Variants in ERCC4 observed in about 807,000 individuals in gnomAD.
ERCC4 encodes the protein ERCC excision repair 4, endonuclease catalytic subunit, also known as DNA repair endonuclease XPF.
In ERCC4, 65 loss-of-function variants were observed where a neutral mutation model predicts 76.9. The ratio of observed to expected loss-of-function variants is 0.84; its 90% CI spans 0.69 to 1.04. The LOEUF is 1.04. Ranked by LOEUF, ERCC4 falls within the 50% of genes least tolerant of loss-of-function variation. The pLI, the probability that ERCC4 is intolerant of heterozygous loss-of-function variation, is 0.00. For missense variants in ERCC4, 1,214 were observed against 1,128.2 expected, an observed-to-expected ratio of 1.08 and a Z score of -1.09; for synonymous variants, 463 against 410.1, an observed-to-expected ratio of 1.13 and a Z score of -1.56.
intron 4 of ERCC4, among the ~76,000 whole-genome samples, chr16:13,928,775 T>C (rs2032117783): frequency 6.6e-6 from 1 of 152,174 alleles, no homozygotes; most frequent in African/African-American, 2.4e-5. Flanking sequence ...GTCTACTTTT[T>C]CATTATAGAT....
chr16:13,928,087 A>G lies in ERCC4; in HGVS notation c.644A>G (p.His215Arg). 2 of 1,613,670 alleles carry G rather than the reference A, an allele frequency of 1.2e-6. No individual in the cohort carries two copies. The highest frequency in any genetic ancestry group is 1.1e-5 in the South Asian group (1 of 91,084). ...CACAAACCTGAAGTTGTAGAAATCC[A>G]TGTTTCTATGACACCTACCATGCTT... is the stretch of plus-strand genomic sequence containing the variant. Reference protein sequence around the residue: ...EQHKPEVVEIHVSMTPTMLAI... With the variant: ...EQHKPEVVEIRVSMTPTMLAI... Residue 215 changes from histidine to arginine, a missense_variant, in exon 4 of 11, where the codon CAT (histidine) becomes CGT (arginine). Physicochemically the swap from His to Arg is conservative, Grantham distance 29. Coordinates refer to ENST00000311895, the MANE Select transcript of ERCC4 (RefSeq NM_005236.3).
At chr16:13,940,894 C>T (rs2032400954) in intron 9 of ERCC4, among the ~76,000 whole-genome samples, 1 of 152,182 alleles carries the variant, frequency 6.6e-6, no homozygotes, top group South Asian at 2.1e-4. Context: ...TTAATCCTTT[C>T]CTGCACAGCG....
intron 10 of ERCC4, among the ~76,000 whole-genome samples, chr16:13,945,164 C>T (rs1047509970): frequency 5.9e-5 from 9 of 152,138 alleles, no homozygotes; most frequent in South Asian, 2.1e-4. Flanking sequence ...CTTTGTTAAA[C>T]GGTGATTAGG....
In ERCC4 at chr16:13,920,296, T is replaced by C. The variant is rs2031943870; in HGVS notation, c.131T>C (p.Leu44Pro). Residue 44 changes from leucine (L) to proline (P), a missense_variant, in exon 1 of 11, where the codon CTC (leucine) becomes CCC (proline). Transcript: ENST00000311895. ...GCCCGCGGGCTCGGCGCGGACCGGCTCCTCTACCACTTTCTCCAGCTGCAC... is the reference window on the plus strand; with the variant it reads ...GCCCGCGGGCTCGGCGCGGACCGGCCCCTCTACCACTTTCTCCAGCTGCAC... ...VCARGLGADR[L>P]LYHFLQLHCH... The C allele has an allele frequency of 6.2e-7, 1 of 1,604,050 alleles. No homozygotes were observed. The highest frequency in any genetic ancestry group is 1.1e-5 in the South Asian group (1 of 90,994).
rs2141620884 is a variant in ERCC4, at chr16:13,948,072, G to A, written c.2476G>A (p.Ala826Thr). The A allele has an allele frequency of 1.9e-6, 3 of 1,614,142 alleles. No homozygotes were observed. Among genetic ancestry groups the A allele is most frequent in the Non-Finnish European group, 1.7e-6 (2 of 1,180,024 alleles). The change falls in exon 11 of 11, where the codon GCG (alanine) becomes ACG (threonine). Residue 826 changes from alanine to threonine, a missense_variant. Coordinates refer to ENST00000311895, the MANE Select transcript of ERCC4 (RefSeq NM_005236.3). ...ACAAAGCAAGCCACAGCCTGATGCG[G>A]CGACAGCACTGGCCATTACAGCAGA... ...LKQSKPQPDA[A>T]TALAITADSE...
rs1333985822 is a variant in ERCC4, at chr16:13,948,055, A to G, written c.2459A>G (p.Lys820Arg). The part of the protein sequence containing the change: ...AELFEELKQS[K>R]PQPDAATALA... ...TTGTTTGAGGAGCTGAAACAAAGCA[A>G]GCCACAGCCTGATGCGGCGACAGCA... Residue 820 changes from lysine to arginine, a missense_variant, in exon 11 of 11, where the codon AAG becomes AGG. By Grantham distance (26) the Lys-to-Arg change is conservative. Transcript: ENST00000311895. The G allele has an allele frequency of 6.2e-7, 1 of 1,614,166 alleles. No homozygotes were observed. Among genetic ancestry groups the G allele is most frequent in the Non-Finnish European group, 8.5e-7 (1 of 1,180,022 alleles).
rs992867132 is a variant in ERCC4, at chr16:13,949,733, G to T, written c.*1386G>T. On this transcript the variant is annotated 3_prime_UTR_variant, in exon 11 of 11. Transcript: ENST00000311895. ...AGGATATTCACAGCATCTTTGTGCAGTTTTTAAACTTTTATATTTAAACAT... is the reference window on the plus strand; with the variant it reads ...AGGATATTCACAGCATCTTTGTGCATTTTTTAAACTTTTATATTTAAACAT... The T allele has an allele frequency of 4.3e-6, 1 of 232,476 alleles. No homozygotes were observed. The highest frequency in any genetic ancestry group is 8.5e-6 in the Non-Finnish European group (1 of 117,708). 14.4% of individuals were successfully genotyped at this position (232,476 alleles called of 1,614,324 possible). A position where few individuals can be genotyped will look rare whatever the true frequency, so the allele number is the denominator to read the frequency against.
In ERCC4 at chr16:13,934,223, C is replaced by T. The variant is rs1240630852; in HGVS notation, c.1134C>T (p.Asn378=). Residue 378 remains asparagine, a synonymous_variant, in exon 7 of 11, where the codon AAC becomes AAT. Coordinates refer to ENST00000311895, the MANE Select transcript of ERCC4 (RefSeq NM_005236.3). ...ETKKELVLES[N]PKWEALTEVL... ...AAAAGGAACTGGTCCTAGAAAGCAA[C>T]CCAAAGTGGGAGGCACTGACTGAAG... The T allele has an allele frequency of 1.9e-6, 3 of 1,612,506 alleles. No individual in the cohort carries two copies. The African/African-American group carries it at 4.0e-5, about 22-fold the overall frequency.
At chr16:13,944,658 A>G (rs1051681841) in intron 9 of ERCC4, 65 bp from the exon 10 acceptor site, 8 of 1,058,856 alleles carry the variant, frequency 7.6e-6, no homozygotes, top group Non-Finnish European at 1.0e-5. Flanking sequence ...ACTACAATTT[A>G]CACACAATAA....
chr16:13,950,859 C>T lies in ERCC4; in HGVS notation c.*2512C>T, dbSNP rs1330475087. On this transcript the variant is annotated 3_prime_UTR_variant, in exon 11 of 11. Coordinates refer to ENST00000311895, the MANE Select transcript of ERCC4 (RefSeq NM_005236.3). The stretch of plus-strand genomic sequence containing the variant: ...GTCTTCCTAAAGCTACCATTTTCAA[C>T]CGTCCTTGTTATCTAGTACAACATA... The T allele has an allele frequency of 1.0e-5, 2 of 198,752 alleles. No homozygotes were observed. Among genetic ancestry groups the T allele is most frequent in the Admixed American group, 6.0e-5 (1 of 16,576 alleles). 12.3% of individuals were successfully genotyped at this position (198,752 alleles called of 1,614,324 possible).
At position 13,944,815 on chromosome 16, in the gene ERCC4, C is replaced by T. The variant is rs2032484990; in HGVS notation, c.1997C>T (p.Ser666Phe). 3 of 1,611,964 alleles carry T rather than the reference C, an allele frequency of 1.9e-6. No homozygotes were observed. Among genetic ancestry groups the T allele is most frequent in the Non-Finnish European group, 2.5e-6 (3 of 1,178,158 alleles). The change falls in exon 10 of 11, where the codon TCC becomes TTC. Residue 666 changes from serine (S) to phenylalanine (F), a missense_variant. Transcript: ENST00000311895. ...LVRGTASADV[S>F]TDTRKAGGQE... ...AGAGGCACAGCATCTGCAGATGTTT[C>T]CACTGACACTCGGAAAGCCGGTGAG...
chr16:13,929,496 G>A (rs1303234849), intron 4 of ERCC4, among the ~76,000 whole-genome samples: 1 of 152,108 alleles, frequency 6.6e-6, no homozygotes, highest in Non-Finnish European at 1.5e-5. Flanking sequence ...CCGTGCAATG[G>A]TACTGCTTTT....
Position 13,934,322 on chromosome 16 carries a change from A to G in ERCC4, c.1213+20A>G, listed in dbSNP as rs777084919. 6.6e-7 allele frequency: 1 copy of G among 1,509,380 alleles called. No homozygotes were observed. Among genetic ancestry groups the G allele is most frequent in the Admixed American group, 1.7e-5 (1 of 59,880 alleles). 93.5% of individuals were successfully genotyped at this position (1,509,380 alleles called of 1,614,324 possible). ...GTCCAGGTAGGAAAAAAGGAGATGA[A>G]AACATTTGCTTCCAAAATCTATCAA... On this transcript the variant is annotated intron_variant, in intron 7 of 10. Transcript: ENST00000311895.
intron 9 of ERCC4, among the ~76,000 whole-genome samples, chr16:13,942,362 T>C (rs999031655): frequency 3.9e-5 from 6 of 152,242 alleles, no homozygotes; most frequent in African/African-American, 1.4e-4. Context: ...TTATAACATT[T>C]AGTGGTAAAC....
At chr16:13,947,281 C>T (rs770079385) in intron 10 of ERCC4, among the ~76,000 whole-genome samples, 5 of 152,136 alleles carry the variant, frequency 3.3e-5, no homozygotes, top group African/African-American at 1.2e-4. Flanking sequence ...CAGGCTTTGT[C>T]CTAGGAATTG....
In ERCC4 at chr16:13,949,194, C is replaced by G. The variant is rs911204355; in HGVS notation, c.*847C>G. The G allele has an allele frequency of 5.1e-5, 12 of 233,096 alleles. No homozygotes were observed. Among genetic ancestry groups the G allele is most frequent in the African/African-American group, 2.4e-4 (11 of 45,346 alleles). The allele number at this position is 233,096 out of a possible 1,614,324, so 14.4% of individuals were successfully genotyped here. A position where few individuals can be genotyped will look rare whatever the true frequency, so the allele number is the denominator to read the frequency against. On this transcript the variant is annotated 3_prime_UTR_variant, in exon 11 of 11. Coordinates refer to ENST00000311895, the MANE Select transcript of ERCC4 (RefSeq NM_005236.3). ...TAATGATGAAGGAGCTCTTAGAATTCTCAATTTTTGCACATATTCAGTCTC... is the reference window on the plus strand; with the variant it reads ...TAATGATGAAGGAGCTCTTAGAATTGTCAATTTTTGCACATATTCAGTCTC...
chr16:13,940,300 T>A (rs1170135132), intron 9 of ERCC4, among the ~76,000 whole-genome samples: 1 of 151,198 alleles, frequency 6.6e-6, no homozygotes, highest in Admixed American at 6.6e-5. Flanking sequence ...GGTGGGAGAA[T>A]CACTCAAACC....
chr16:13,939,334 C>T (rs1167975027), intron 9 of ERCC4, among the ~76,000 whole-genome samples: 1 of 152,106 alleles, frequency 6.6e-6, no homozygotes, highest in African/African-American at 2.4e-5. Context: ...AGCCTCTGCC[C>T]TCCTGGAACT....
intron 2 of ERCC4, among the ~76,000 whole-genome samples, chr16:13,923,405 A>G (rs990296368): frequency 4.8e-5 from 7 of 144,512 alleles, no homozygotes; most frequent in African/African-American, 1.8e-4. Flanking sequence ...GGAGGCAGAG[A>G]GACTCTGAAA....
Sources: gnomAD v4.1 joint callset for allele counts (sites outside exome capture counted in the v4.1 genomes callset) on GRCh38, gnomAD v4.1.1 for gene constraint, MANE v1.5 for transcripts, NCBI Gene and HGNC (gene_info 2026-07-23, HGNC 2026-07-21) for gene names.